SLC11A1: variants seen among roughly 807,000 people sequenced by gnomAD.
SLC11A1 encodes natural resistance-associated macrophage protein 1.
SLC11A1 carries 59 observed loss-of-function variants against 63.2 expected under a neutral mutation model. The observed-to-expected ratio is 0.93, with a 90% CI of 0.76 to 1.16. The LOEUF (loss-of-function observed/expected upper bound fraction) is 1.16. Among genes scored for constraint, SLC11A1 ranks in the 50% most tolerant of loss-of-function variants. The pLI, the probability that SLC11A1 is intolerant of heterozygous loss-of-function variation, is 0.00. For missense variants in SLC11A1, 688 were observed against 730.7 expected (o/e 0.94, Z 0.67); for synonymous variants, 305 against 307.8 (o/e 0.99, Z 0.09).
At chr2:218,386,902 G>A in intron 5 of SLC11A1, 161 bp downstream of exon 5, 1 of 673,194 alleles carries the variant, frequency 1.5e-6, no homozygotes, top group South Asian at 1.8e-5. Flanking sequence ...CTTGTCTAAA[G>A]TCACACAGAT....
intron 3 of SLC11A1, 32 bp from the exon 4 acceptor site, chr2:218,385,115 C>G: frequency 6.2e-7 from 1 of 1,612,004 alleles, no homozygotes; most frequent in Non-Finnish European, 8.5e-7. Flanking sequence ...GCTGGCCTCT[C>G]TGGCTGAAGG....
Position 218,394,694 on chromosome 2 carries a change from T to C in SLC11A1, c.1451T>C (p.Val484Ala), listed in dbSNP as rs780416444. ...VLVCAINLYF[V>A]VSYLPSLPHP... ...GTCTGCGCCATCAACCTCTACTTCGTGGTCAGCTATCTGCCCAGCCTGCCC... is the reference window on the plus strand; with the variant it reads ...GTCTGCGCCATCAACCTCTACTTCGCGGTCAGCTATCTGCCCAGCCTGCCC... The change falls in exon 14 of 15, where the codon GTG (valine) becomes GCG (alanine). Residue 484 changes from valine (V) to alanine (A), a missense_variant. By Grantham distance (64) the Val-to-Ala change is moderately conservative (BLOSUM62 0). Coordinates refer to ENST00000233202, the MANE Select transcript of SLC11A1 (RefSeq NM_000578.4). 6.2e-7 allele frequency: 1 copy of C among 1,614,100 alleles called. No individual in the cohort carries two copies.
chr2:218,392,019 G>C lies in SLC11A1; in HGVS notation c.1164+524G>C, dbSNP rs370300741. On this transcript the variant is annotated intron_variant, in intron 11 of 14. Coordinates refer to ENST00000233202, the MANE Select transcript of SLC11A1 (RefSeq NM_000578.4). ...GATCCGCCCGCCTTGGACTCCTGAA[G>C]TGCTGGGATTATAGGCGTGAGCCAC... 3.3e-4 allele frequency: 107 copies of C among 322,350 alleles called. No individual in the cohort carries two copies. The East Asian group carries it at 0.011, about 33-fold the overall frequency. 20.0% of individuals were successfully genotyped at this position (322,350 alleles called of 1,614,324 possible). A position where few individuals can be genotyped will look rare whatever the true frequency, so the allele number is the denominator to read the frequency against.
intron 4 of SLC11A1, 49 bp downstream of exon 4, chr2:218,385,315 A>G: frequency 6.2e-7 from 1 of 1,612,616 alleles, no homozygotes; most frequent in Non-Finnish European, 8.5e-7. Context: ...CCAAACCCCA[A>G]ACAGCCATTT....
rs751526172 is a variant in SLC11A1, at chr2:218,384,228, C to T, written c.151-15C>T. 3.2e-6 allele frequency: 5 copies of T among 1,583,156 alleles called. No homozygotes were observed. Among genetic ancestry groups the T allele is most frequent in the Non-Finnish European group, 4.3e-6 (5 of 1,158,600 alleles). ...CCCAGGACCCCCTCACTCTACTCCTCCCACCCCCCAACAGGGCACCTTCAG... is the reference window on the plus strand; with the variant it reads ...CCCAGGACCCCCTCACTCTACTCCTTCCACCCCCCAACAGGGCACCTTCAG... On this transcript the variant is annotated splice_polypyrimidine_tract_variant and intron_variant, in intron 2 of 14. Transcript: ENST00000233202. This position sits in a 1 kb window ranked among gnomAD's most constrained non-coding sequence, Gnocchi z 4.0.
In SLC11A1 at chr2:218,395,037, C is replaced by T; in HGVS notation, c.*2C>T. Reference sequence around the variant, plus strand: ...CAGAAAGGGGAGACCTCTGGCTAGGCCCACACCAGGGCCTGGCTGGGAGTG... The same window carrying T: ...CAGAAAGGGGAGACCTCTGGCTAGGTCCACACCAGGGCCTGGCTGGGAGTG... On this transcript the variant is annotated 3_prime_UTR_variant, in exon 15 of 15. Coordinates refer to ENST00000233202, the MANE Select transcript of SLC11A1 (RefSeq NM_000578.4). 7 of 1,592,566 alleles carry T rather than the reference C, an allele frequency of 4.4e-6. No individual in the cohort carries two copies. Among genetic ancestry groups the T allele is most frequent in the Non-Finnish European group, 6.0e-6 (7 of 1,167,828 alleles).
intron 11 of SLC11A1, 63 bp from the exon 12 acceptor site, chr2:218,392,918 G>A (rs2106338159): frequency 7.3e-7 from 1 of 1,363,354 alleles, no homozygotes; most frequent in South Asian, 1.3e-5. Flanking sequence ...GACTACAGAG[G>A]ATCTCTCCTC....
In SLC11A1 at chr2:218,386,714, T is replaced by C. The variant is rs141932707; in HGVS notation, c.473T>C (p.Ile158Thr). The stretch of plus-strand genomic sequence containing the variant: ...ATGCAGGAAGTCATCGGCACGGCCA[T>C]TGCATTCAATCTGCTCTCAGCTGGA... ...SDMQEVIGTA[I>T]AFNLLSAGRI... The change falls in exon 5 of 15, where the codon ATT (isoleucine) becomes ACT (threonine). Residue 158 changes from isoleucine to threonine, a missense_variant. Ile to Thr is a moderately conservative substitution (Grantham distance 89, BLOSUM62 -1). Transcript: ENST00000233202. 7.7e-4 allele frequency: 1,238 copies of C among 1,613,940 alleles called. 1 individual carries two copies. The highest frequency in any genetic ancestry group is 9.8e-4 in the Non-Finnish European group (1,159 of 1,179,976).
chr2:218,391,553 T>TG (rs924165649), intron 11 of SLC11A1, 58 bp downstream of exon 11: 33 of 1,509,924 alleles, frequency 2.2e-5, no homozygotes, highest in Non-Finnish European at 2.8e-5. Context: ...GGCACACTAC[T>TG]GGGGGCTAGA....
chr2:218,382,436 G>C, intron 1 of SLC11A1, 61 bp downstream of exon 1: 4 of 1,592,832 alleles, frequency 2.5e-6, no homozygotes, highest in Non-Finnish European at 3.4e-6. Context: ...AGATCACTAG[G>C]CTGGTGGAGA....
In SLC11A1 at chr2:218,393,011, GC is replaced by G; in HGVS notation, c.1198del (p.Arg400ValfsTer22). 1.3e-6 allele frequency: 2 copies of G among 1,595,638 alleles called. No homozygotes were observed. Among genetic ancestry groups the G allele is most frequent in the South Asian group, 1.1e-5 (1 of 88,742 alleles). The stretch of plus-strand genomic sequence containing the variant: ...CCTGAGGCTGCGGTGGTCACGCTTC[GC>G]CCGTGTCCTCCTCACCCGCTCCTGC... ...GFLRLRWSRFARVLLTRSCAI... is the reference protein window; with the variant it reads ...GFLRLRWSRFXRVLLTRSCAI... On this transcript the variant is annotated frameshift_variant, in exon 12 of 15. Transcript: ENST00000233202. LOFTEE classifies it high-confidence loss of function.
rs1239500151 is a variant in SLC11A1 at position 218,396,740 on chromosome 2, A to C, written c.*1705A>C. On this transcript the variant is annotated 3_prime_UTR_variant, in exon 15 of 15. Coordinates refer to ENST00000233202, the MANE Select transcript of SLC11A1 (RefSeq NM_000578.4). ...ATGGATGGGGGACGTTTAGCGAAGAAAGGCATCTCCCAGATCCTTTAGCCT... is the reference window on the plus strand; with the variant it reads ...ATGGATGGGGGACGTTTAGCGAAGACAGGCATCTCCCAGATCCTTTAGCCT... The C allele has an allele frequency of 6.6e-6, 1 of 152,498 alleles. No individual in the cohort carries two copies. Among genetic ancestry groups the C allele is most frequent in the Non-Finnish European group, 1.5e-5 (1 of 68,250 alleles). The allele number at this position is 152,498 out of a possible 1,614,324, so 9.4% of individuals were successfully genotyped here.
At chr2:218,394,354 G>T in intron 13 of SLC11A1, 161 bp downstream of exon 13, 1 of 772,684 alleles carries the variant, frequency 1.3e-6, no homozygotes. Context: ...GCAAGTTGAG[G>T]AGCCAAGACT....
chr2:218,390,210 C>G (rs1041668885), intron 9 of SLC11A1, among the ~76,000 whole-genome samples, 182 bp downstream of exon 9: 1 of 152,088 alleles, frequency 6.6e-6, no homozygotes. Flanking sequence ...CCAAGCACAT[C>G]CTAGACCCTG....
In SLC11A1 at chr2:218,396,753, G is replaced by A. The variant is rs1390698471; in HGVS notation, c.*1718G>A. 6.5e-6 allele frequency: 1 copy of A among 152,726 alleles called. No homozygotes were observed. The highest frequency in any genetic ancestry group is 2.1e-4 in the South Asian group (1 of 4,854). 9.5% of individuals were successfully genotyped at this position (152,726 alleles called of 1,614,324 possible). ...GTTTAGCGAAGAAAGGCATCTCCCA[G>A]ATCCTTTAGCCTCCTGGAAGTGCCC... On this transcript the variant is annotated 3_prime_UTR_variant, in exon 15 of 15. Coordinates refer to ENST00000233202, the MANE Select transcript of SLC11A1 (RefSeq NM_000578.4).
Position 218,395,939 on chromosome 2 carries a change from T to G in SLC11A1, c.*904T>G, listed in dbSNP as rs1696731443. 1 of 152,460 alleles carries G rather than the reference T, an allele frequency of 6.6e-6. No individual in the cohort carries two copies. The highest frequency in any genetic ancestry group is 2.4e-5 in the African/African-American group (1 of 41,468). 9.4% of individuals were successfully genotyped at this position (152,460 alleles called of 1,614,324 possible). A position where few individuals can be genotyped will look rare whatever the true frequency, so the allele number is the denominator to read the frequency against. ...TCCAGACAGTAAAACGGCGGCGCAC[T>G]TCTTTCTCCGTCAGGCACCAGGTCA... On this transcript the variant is annotated 3_prime_UTR_variant, in exon 15 of 15. Transcript: ENST00000233202.
intron 3 of SLC11A1, 55 bp from the exon 4 acceptor site, chr2:218,385,091 AG>A (rs1188855941): frequency 6.2e-7 from 1 of 1,607,366 alleles, no homozygotes. Flanking sequence ...CCACGAGCTC[AG>A]GGGCTTTCTG....
At position 218,384,083 on chromosome 2, in the gene SLC11A1, T is replaced by C; in HGVS notation, c.151-160T>C. 1.6e-6 allele frequency: 1 copy of C among 612,236 alleles called. No individual in the cohort carries two copies. The allele number at this position is 612,236 out of a possible 1,614,324, so 37.9% of individuals were successfully genotyped here. The stretch of plus-strand genomic sequence containing the variant: ...CAGAGCATGCTGCTTCCTCCACCCA[T>C]GCCCTCCCCATCCCTTGGGTGGCAG... On this transcript the variant is annotated intron_variant, in intron 2 of 14. Transcript: ENST00000233202. This position sits in a 1 kb window ranked among gnomAD's most constrained non-coding sequence, Gnocchi z 4.0.
intron 12 of SLC11A1, among the ~76,000 whole-genome samples, chr2:218,393,469 A>C (rs1696573570): frequency 8.2e-6 from 1 of 121,734 alleles, no homozygotes; most frequent in Non-Finnish European, 1.7e-5. Flanking sequence ...CATCACACCC[A>C]GCTAATTTTT....
Sources: allele counts gnomAD v4.1 joint callset (sites outside exome capture counted in the v4.1 genomes callset), GRCh38; gene constraint gnomAD v4.1.1; non-coding constraint Gnocchi (gnomAD v3.1); transcripts MANE v1.5; gene names NCBI Gene and HGNC (gene_info 2026-07-23, HGNC 2026-07-21).